The following DDX51 variants were observed in gnomAD, a reference collection of about 807,000 sequenced individuals.
DDX51 encodes DEAD-box helicase 51, also known as ATP-dependent RNA helicase DDX51.
Under a neutral mutation model 74.6 loss-of-function variants are expected in DDX51, and 67 were observed. That is an observed-to-expected ratio of 0.90 (90% CI 0.74 to 1.10). The LOEUF (loss-of-function observed/expected upper bound fraction) is 1.10. Among genes scored for constraint, DDX51 ranks in the 50% least tolerant of loss-of-function variants. DDX51 has a pLI of 0.00. For synonymous variants in DDX51, 545 were observed against 402.9 expected, an observed-to-expected ratio of 1.35 and a Z score of -4.22; for missense variants, 1,056 against 905.2, an observed-to-expected ratio of 1.17 and a Z score of -2.14.
At chr12:132,143,480 G>C in intron 2 of DDX51, 1 of 641,146 alleles carries the variant, frequency 1.6e-6, no homozygotes, top group South Asian at 2.0e-5. Context: ...GGCGCGGCGC[G>C]GCGGGAGGAC....
chr12:132,141,440 C>T lies in DDX51; in HGVS notation c.1105-20G>A, dbSNP rs200059220. ...GATAATCTGCAGGAGACAGGGAGCC[C>T]GGGACTGGGTGGCGCGGCCCTGAGC... On this transcript the variant is annotated intron_variant, in intron 7 of 14. Transcript: ENST00000397333. 582 of 1,585,044 alleles carry T rather than the reference C, an allele frequency of 3.7e-4. 4 individuals are homozygous for T. Among genetic ancestry groups the T allele is most frequent in the South Asian group, 3.3e-3 (293 of 90,038 alleles).
intron 5 of DDX51, 76 bp from the exon 6 acceptor site, chr12:132,142,032 T>C: frequency 6.2e-7 from 1 of 1,607,148 alleles, no homozygotes; most frequent in South Asian, 1.1e-5. Flanking sequence ...CCAGATCTAA[T>C]CTGGGTCCCC....
rs757594777 is a variant in DDX51, at chr12:132,143,808, T to C, written c.406A>G (p.Ser136Gly). 1.1e-5 allele frequency: 17 copies of C among 1,526,150 alleles called. No individual in the cohort carries two copies. The Admixed American group carries it at 3.0e-4, about 27-fold the overall frequency. The allele number at this position is 1,526,150 out of a possible 1,614,324, so 94.5% of individuals were successfully genotyped here. A position where few individuals can be genotyped will look rare whatever the true frequency, so the allele number is the denominator to read the frequency against. ...GCCGCCTCGGCGCTGGCGCTGGTGC[T>C]GCGCTCCCCCGGCGCCTCCTCGCTG... ...GSSEEAPGER[S>G]TSASAEAAPD... The change falls in exon 2 of 15, where the codon AGC becomes GGC. Residue 136 changes from serine to glycine, a missense_variant. Coordinates refer to ENST00000397333, the MANE Select transcript of DDX51 (RefSeq NM_175066.4).
chr12:132,141,212 GGA>G, intron 8 of DDX51, 61 bp downstream of exon 8: 1 of 1,524,116 alleles, frequency 6.6e-7, no homozygotes, highest in South Asian at 1.2e-5. Context: ...CATTAAGGAA[GGA>G]GAGCTGTGTG....
At position 132,140,701 on chromosome 12, in the gene DDX51, G is replaced by A. The variant is rs376428090; in HGVS notation, c.1475C>T (p.Pro492Leu). ...HYVPCSLSSK[P>L]LVVLHLVLEM... is the part of the protein sequence containing the mutation. Reference sequence around the variant, plus strand: ...CAGGACCAGGTGCAGGACGACCAGCGGCTTAGAGCTGAGGCTGCAGGGCAC... The same window carrying A: ...CAGGACCAGGTGCAGGACGACCAGCAGCTTAGAGCTGAGGCTGCAGGGCAC... Residue 492 changes from proline to leucine, a missense_variant, in exon 10 of 15, where the codon CCG becomes CTG. By Grantham distance (98) the Pro-to-Leu change is moderately conservative. Coordinates refer to ENST00000397333, the MANE Select transcript of DDX51 (RefSeq NM_175066.4). 1.7e-5 allele frequency: 27 copies of A among 1,613,026 alleles called. No homozygotes were observed. The highest frequency in any genetic ancestry group is 4.4e-5 in the South Asian group (4 of 91,086).
rs1197603832 is a variant in DDX51 at position 132,139,858 on chromosome 12, C to T, written c.1839+3G>A. The T allele has an allele frequency of 6.2e-7, 1 of 1,613,220 alleles. No homozygotes were observed. Among genetic ancestry groups the T allele is most frequent in the Admixed American group, 1.7e-5 (1 of 60,036 alleles). ...GAAACTCCCAAGACCCTCGCAGCCTCACCTGCACTTTCAGGAGCAGTGTGA... is the reference window on the plus strand; with the variant it reads ...GAAACTCCCAAGACCCTCGCAGCCTTACCTGCACTTTCAGGAGCAGTGTGA... On this transcript the variant is annotated splice_donor_region_variant and intron_variant, in intron 13 of 14. Transcript: ENST00000397333.
Position 132,140,965 on chromosome 12 carries a change from G to C in DDX51, c.1306C>G (p.Gln436Glu), listed in dbSNP as rs539629802. 81 of 1,612,398 alleles carry C rather than the reference G, an allele frequency of 5.0e-5. 1 individual carries two copies. The South Asian group carries it at 8.5e-4, about 17-fold the overall frequency. Residue 436 changes from glutamine to glutamate, a missense_variant, in exon 9 of 15, where the codon CAG becomes GAG. Gln to Glu is a conservative substitution (Grantham distance 29, BLOSUM62 2). Transcript: ENST00000397333. Reference sequence around the variant, plus strand: ...AGCTGCTGCAGCTTTTCAGGGTTCTGGGTCAGAGTAGCTGAGAAGAGCAGC... The same window carrying C: ...AGCTGCTGCAGCTTTTCAGGGTTCTCGGTCAGAGTAGCTGAGAAGAGCAGC... ...QKLLFSATLTQNPEKLQQLGL... is the reference protein window; with the variant it reads ...QKLLFSATLTENPEKLQQLGL...
chr12:132,139,879 T>C lies in DDX51; in HGVS notation c.1821A>G (p.Thr607=), dbSNP rs61729149. Residue 607 remains threonine, a synonymous_variant, in exon 13 of 15, where the codon ACA becomes ACG. Coordinates refer to ENST00000397333, the MANE Select transcript of DDX51 (RefSeq NM_175066.4). ...ARAGKTGQAF[T]LLLKVQERRF... ...GCCTCACCTGCACTTTCAGGAGCAGTGTGAAGGCCTGTCCAGTTTTCCCAG... is the reference window on the plus strand; with the variant it reads ...GCCTCACCTGCACTTTCAGGAGCAGCGTGAAGGCCTGTCCAGTTTTCCCAG... The C allele has an allele frequency of 9.4e-4, 1,517 of 1,613,158 alleles. 18 individuals are homozygous for C. The African/African-American group carries it at 0.018, about 19-fold the overall frequency.
chr12:132,142,351 G>A lies in DDX51; in HGVS notation c.742C>T (p.Arg248Trp), dbSNP rs372133022. 3.0e-5 allele frequency: 48 copies of A among 1,612,872 alleles called. No individual in the cohort carries two copies. The highest frequency in any genetic ancestry group is 1.6e-4 in the South Asian group (15 of 91,090). The change falls in exon 4 of 15, where the codon CGG (arginine) becomes TGG (tryptophan). Residue 248 changes from arginine to tryptophan, a missense_variant. Transcript: ENST00000397333. ...GCAGAAACACAGAGGTCGCTAGGCC[G>A]GTAGCCACCTCTGCCCACCAGAAAC... ...CGFLVGRGGYRPSDLCVSAPT... is the reference protein window; with the variant it reads ...CGFLVGRGGYWPSDLCVSAPT...
Position 132,137,492 on chromosome 12 carries a change from C to T in DDX51, c.*1780G>A, listed in dbSNP as rs772974150. 6 of 152,348 alleles carry T rather than the reference C, an allele frequency of 3.9e-5. No individual in the cohort carries two copies. The highest frequency in any genetic ancestry group is 1.9e-4 in the East Asian group (1 of 5,190). The allele number at this position is 152,348 out of a possible 1,614,324, so 9.4% of individuals were successfully genotyped here. A position where few individuals can be genotyped will look rare whatever the true frequency, so the allele number is the denominator to read the frequency against. On this transcript the variant is annotated 3_prime_UTR_variant, in exon 15 of 15. Coordinates refer to ENST00000397333, the MANE Select transcript of DDX51 (RefSeq NM_175066.4). ...ATTTCTTTCTGCCTCCTGTAACAGT[C>T]GCCTTTTGTGTTCTGCTGGCATTTG...
Position 132,139,251 on chromosome 12 carries a change from T to G in DDX51, c.*21A>C. On this transcript the variant is annotated 3_prime_UTR_variant, in exon 15 of 15. Coordinates refer to ENST00000397333, the MANE Select transcript of DDX51 (RefSeq NM_175066.4). The stretch of plus-strand genomic sequence containing the variant: ...GTCAGGGTGGTGAGCGTTCAGTCCC[T>G]CCGGCCCTCTGAGCCCCAGCCTAGG... 1 of 1,606,542 alleles carries G rather than the reference T, an allele frequency of 6.2e-7. No individual in the cohort carries two copies. The highest frequency in any genetic ancestry group is 8.5e-7 in the Non-Finnish European group (1 of 1,178,236).
At position 132,140,446 on chromosome 12, in the gene DDX51, C is replaced by T; in HGVS notation, c.1650G>A (p.Gln550=). The change falls in exon 11 of 15, where the codon CAG becomes CAA. Residue 550 remains glutamine (Q), a synonymous_variant. Transcript: ENST00000397333. The part of the protein sequence containing the change: ...GPGQRRMILK[Q]FEQGKIQLLI... ...ACAGCTGGATCTTCCCCTGTTCAAA[C>T]TGCTTCAGGATCATCCTCCTCTGGC... The T allele has an allele frequency of 6.2e-7, 1 of 1,613,320 alleles. No individual in the cohort carries two copies. Among genetic ancestry groups the T allele is most frequent in the South Asian group, 1.1e-5 (1 of 91,084 alleles).
chr12:132,141,763 GC>G, intron 6 of DDX51, 86 bp downstream of exon 6: 2 of 1,500,012 alleles, frequency 1.3e-6, no homozygotes, highest in Non-Finnish European at 1.8e-6. Context: ...AAAGATGGTG[GC>G]CCCTCCTCTG....
rs773370522 is a variant in DDX51 at position 132,141,909 on chromosome 12, G to A, written c.936C>T (p.Val312=). 16 of 1,613,112 alleles carry A rather than the reference G, an allele frequency of 9.9e-6. No homozygotes were observed. In the South Asian group the frequency reaches 1.3e-4, roughly 13 times the overall value. ...GAGACTTCTGTCCCGTAACCAGGGA[G>A]ACTCTCAGAGGTGTGGCATCTGTGT... The part of the protein sequence containing the change: ...NIYTDATPLR[V]SLVTGQKSLA... Residue 312 remains valine, a synonymous_variant, in exon 6 of 15, where the codon GTC becomes GTT. Coordinates refer to ENST00000397333, the MANE Select transcript of DDX51 (RefSeq NM_175066.4).
At chr12:132,143,548 G>A in intron 2 of DDX51, 147 bp downstream of exon 2, 6 of 1,065,442 alleles carry the variant, frequency 5.6e-6, no homozygotes, top group Admixed American at 4.5e-5. Flanking sequence ...CAGACCCCTA[G>A]GCGATGAAAC....
chr12:132,137,862 G>C lies in DDX51; in HGVS notation c.*1410C>G, dbSNP rs1045692258. 6.6e-6 allele frequency: 1 copy of C among 151,590 alleles called. No individual in the cohort carries two copies. Among genetic ancestry groups the C allele is most frequent in the South Asian group, 2.1e-4 (1 of 4,810 alleles). The allele number at this position is 151,590 out of a possible 1,614,324, so 9.4% of individuals were successfully genotyped here. ...ATCCCCAAAACAAACCCACACACTG[G>C]CCACTGTGTCCCCAGCCCCAACCCC... On this transcript the variant is annotated 3_prime_UTR_variant, in exon 15 of 15. Transcript: ENST00000397333.
chr12:132,140,057 A>G (rs1261618447), intron 12 of DDX51, 41 bp downstream of exon 12: 9 of 1,607,236 alleles, frequency 5.6e-6, no homozygotes, highest in Non-Finnish European at 6.8e-6. Context: ...AGGAGCTCAC[A>G]AAGCCCCAGA....
Position 132,141,560 on chromosome 12 carries a change from C to T in DDX51, c.1042G>A (p.Gly348Ser), listed in dbSNP as rs1897464240. ...TGGTCGATGTGGTCCACCAGGCGGC[C>T]GGGGGTGGCTACCACGATGTCAGCC... ...CLADIVVATP[G>S]RLVDHIDQTP... The change falls in exon 7 of 15, where the codon GGC becomes AGC. Residue 348 changes from glycine (G) to serine (S), a missense_variant. Coordinates refer to ENST00000397333, the MANE Select transcript of DDX51 (RefSeq NM_175066.4). The T allele has an allele frequency of 1.9e-6, 3 of 1,604,504 alleles. No homozygotes were observed. Among genetic ancestry groups the T allele is most frequent in the Non-Finnish European group, 2.5e-6 (3 of 1,177,350 alleles).
chr12:132,139,093 G>T lies in DDX51; in HGVS notation c.*179C>A, dbSNP rs1897352336. On this transcript the variant is annotated 3_prime_UTR_variant, in exon 15 of 15. Transcript: ENST00000397333. ...GACAAGCCCTGAAGTCTCCAGTCGG[G>T]GCAGGTGCTTGAGCTCTGACGCCCG... The T allele has an allele frequency of 1.2e-6, 1 of 837,506 alleles. No homozygotes were observed. The highest frequency in any genetic ancestry group is 1.8e-6 in the Non-Finnish European group (1 of 541,876). 51.9% of individuals were successfully genotyped at this position (837,506 alleles called of 1,614,324 possible). A position where few individuals can be genotyped will look rare whatever the true frequency, so the allele number is the denominator to read the frequency against.
Sources: allele counts gnomAD v4.1 joint callset, GRCh38; gene constraint gnomAD v4.1.1; transcripts MANE v1.5; gene names NCBI Gene and HGNC (gene_info 2026-07-23, HGNC 2026-07-21).